AKAP10: variants seen among roughly 807,000 people sequenced by gnomAD.
AKAP10 encodes the protein A-kinase anchor protein 10, mitochondrial.
A neutral mutation model predicts 80.8 loss-of-function variants in AKAP10; 24 were observed. The observed-to-expected ratio is 0.30, with a 90% CI of 0.22 to 0.42. The LOEUF is 0.42. Ranked by LOEUF, AKAP10 falls within the 10% of genes least tolerant of loss-of-function variation. The pLI is 1.00. For missense variants in AKAP10, 661 were observed against 794.9 expected (o/e 0.83, Z 2.03); for synonymous variants, 291 against 277.7 (o/e 1.05, Z -0.48).
At position 19,905,764 on chromosome 17, in the gene AKAP10, T is replaced by G. The variant is rs2042626100; in HGVS notation, c.*463A>C. 1 of 154,416 alleles carries G rather than the reference T, an allele frequency of 6.5e-6. No homozygotes were observed. The highest frequency in any genetic ancestry group is 1.4e-5 in the Non-Finnish European group (1 of 69,142). The allele number at this position is 154,416 out of a possible 1,614,324, so 9.6% of individuals were successfully genotyped here. On this transcript the variant is annotated 3_prime_UTR_variant, in exon 15 of 15. Transcript: ENST00000225737. The stretch of plus-strand genomic sequence containing the variant: ...GCTGCCACTCAAAGCTGCCTGGCTC[T>G]CGGTGGGGCTGACTCACCTGCTTTG...
At chr17:19,972,753 C>T (rs1435476171) in intron 1 of AKAP10, among the ~76,000 whole-genome samples, 3 of 152,142 alleles carry the variant, frequency 2.0e-5, no homozygotes, top group South Asian at 2.1e-4. Flanking sequence ...CCGCGCTTGG[C>T]GAAAGTTTTA....
chr17:19,962,800 T>C, intron 3 of AKAP10, 40 bp downstream of exon 3: 1 of 1,578,570 alleles, frequency 6.3e-7, no homozygotes, highest in Non-Finnish European at 8.7e-7. Flanking sequence ...TGTACTCAAA[T>C]CCTTCTAATA....
intron 3 of AKAP10, among the ~76,000 whole-genome samples, chr17:19,962,595 A>T (rs2043365939): frequency 2.0e-5 from 3 of 152,286 alleles, no homozygotes; most frequent in African/African-American, 7.2e-5. Flanking sequence ...CATCTTTTTC[A>T]TATATTTATA....
At chr17:19,939,944 T>C (rs2043035092) in intron 7 of AKAP10, 95 bp from the exon 8 acceptor site, 6 of 1,370,110 alleles carry the variant, frequency 4.4e-6, no homozygotes, top group South Asian at 3.0e-5. Flanking sequence ...ATACAGGTCA[T>C]AAGCAAAAAA....
At chr17:19,941,052 G>T (rs1241203967) in intron 6 of AKAP10, 42 bp from the exon 7 acceptor site, 1 of 1,576,194 alleles carries the variant, frequency 6.3e-7, no homozygotes, top group African/African-American at 1.4e-5. Context: ...AACGACCAAG[G>T]AAAGAGTTTA....
chr17:19,934,193 T>A (rs2042968233), intron 9 of AKAP10, among the ~76,000 whole-genome samples: 1 of 152,202 alleles, frequency 6.6e-6, no homozygotes, highest in African/African-American at 2.4e-5. Flanking sequence ...AGTGCTGGGA[T>A]TACAGATGTG....
intron 1 of AKAP10, among the ~76,000 whole-genome samples, chr17:19,972,657 G>A (rs992113536): frequency 6.6e-6 from 1 of 152,020 alleles, no homozygotes; most frequent in Non-Finnish European, 1.5e-5. Flanking sequence ...GGGTTTCACC[G>A]TGTTAGCCAG....
intron 10 of AKAP10, among the ~76,000 whole-genome samples, chr17:19,926,405 T>C (rs2042875621): frequency 6.6e-6 from 1 of 152,088 alleles, no homozygotes; most frequent in Non-Finnish European, 1.5e-5. Context: ...CCCTGTCAGA[T>C]AGGAAACAAG....
chr17:19,936,537 C>T (rs1446881430), intron 8 of AKAP10, 107 bp from the exon 9 acceptor site: 1 of 1,108,988 alleles, frequency 9.0e-7, no homozygotes, highest in Non-Finnish European at 1.3e-6. Flanking sequence ...ATTGAGCCTG[C>T]AGGCCTAGAA....
At chr17:19,923,904 G>A (rs1249698339) in intron 11 of AKAP10, among the ~76,000 whole-genome samples, 1 of 152,112 alleles carries the variant, frequency 6.6e-6, no homozygotes, top group Non-Finnish European at 1.5e-5. Context: ...ACTGGGGTAC[G>A]GATCAGGGTA....
chr17:19,909,139 A>G, intron 14 of AKAP10, 42 bp downstream of exon 14: 1 of 1,533,308 alleles, frequency 6.5e-7, no homozygotes, highest in Middle Eastern at 1.7e-4. Context: ...TACACCTGGA[A>G]AATAATACTT....
intron 5 of AKAP10, among the ~76,000 whole-genome samples, chr17:19,946,269 A>G (rs1394353097): frequency 8.1e-4 from 21 of 26,026 alleles, no homozygotes; most frequent in African/African-American, 3.6e-3. Flanking sequence ...ATATATATAT[A>G]TATATATTTT....
intron 3 of AKAP10, among the ~76,000 whole-genome samples, chr17:19,959,437 A>G (rs1477818208): frequency 1.3e-5 from 2 of 152,208 alleles, no homozygotes; most frequent in Admixed American, 6.5e-5. Context: ...AGCAAACTGC[A>G]TTATTTTCAG....
intron 1 of AKAP10, among the ~76,000 whole-genome samples, chr17:19,973,619 A>ATG (rs1347065251): frequency 3.3e-5 from 5 of 152,238 alleles, no homozygotes; most frequent in Admixed American, 2.0e-4. Flanking sequence ...TGGAAACCAA[A>ATG]TGGAAGCCTA....
At chr17:19,954,487 C>CTT (rs34866336) in intron 4 of AKAP10, among the ~76,000 whole-genome samples, 10,231 of 140,356 alleles carry the variant, frequency 0.073, 913 homozygotes, top group African/African-American at 0.21. Context: ...AACCATAATA[C>CTT]TTTTTTTTTT....
intron 3 of AKAP10, among the ~76,000 whole-genome samples, chr17:19,961,196 A>G (rs990659856): frequency 6.6e-6 from 1 of 150,626 alleles, no homozygotes. Context: ...AAAAAAAAAA[A>G]TACAAAAATT....
In AKAP10 at chr17:19,947,385, CAT is replaced by C; in HGVS notation, c.976+20_976+21del. On this transcript the variant is annotated intron_variant, in intron 5 of 14. Coordinates refer to ENST00000225737, the MANE Select transcript of AKAP10 (RefSeq NM_007202.4). ...GCATTTTTTGTCATTTTTTTTTTGC[CAT>C]AGTTTCAAGCACTGCTTACCTATGA... is the stretch of plus-strand genomic sequence containing the variant. 6.5e-7 allele frequency: 1 copy of C among 1,536,050 alleles called. No homozygotes were observed. Among genetic ancestry groups the C allele is most frequent in the Non-Finnish European group, 8.9e-7 (1 of 1,125,772 alleles).
intron 11 of AKAP10, among the ~76,000 whole-genome samples, chr17:19,920,855 C>CAAAAAAAAAAAAAAA (rs61148312): frequency 2.8e-4 from 10 of 35,328 alleles, no homozygotes; most frequent in Admixed American, 9.6e-4. Flanking sequence ...GACTCTATCT[C>CAAAAAAAAAAAAAAA]AAAAAAAAAA....
intron 1 of AKAP10, among the ~76,000 whole-genome samples, chr17:19,975,093 T>G (rs552190188): frequency 7.2e-5 from 11 of 151,952 alleles, no homozygotes; most frequent in Non-Finnish European, 1.5e-4. Context: ...GTGACTCAAA[T>G]ATGGCTCATT....
Sources: allele counts gnomAD v4.1 joint callset (sites outside exome capture counted in the v4.1 genomes callset), GRCh38; gene constraint gnomAD v4.1.1; transcripts MANE v1.5; gene names NCBI Gene and HGNC (gene_info 2026-07-23, HGNC 2026-07-21).